Variants in CDH18 observed in about 807,000 individuals in gnomAD.
The protein encoded by CDH18 is cadherin-18.
In CDH18, 31 loss-of-function variants were observed where a neutral mutation model predicts 67.9. That is an observed-to-expected ratio of 0.46 (90% CI 0.34 to 0.62). The LOEUF (loss-of-function observed/expected upper bound fraction) is 0.62. Ranked by LOEUF, CDH18 falls within the 20% of genes least tolerant of loss-of-function variation. The pLI is 0.01. For missense variants in CDH18, 890 were observed against 975.5 expected, an observed-to-expected ratio of 0.91 and a Z score of 1.17; for synonymous variants, 362 against 347.2, an observed-to-expected ratio of 1.04 and a Z score of -0.48.
chr5:20,510,473 C>A (rs1318474218), intron 1 of CDH18, among the ~76,000 whole-genome samples: 1 of 151,986 alleles, frequency 6.6e-6, no homozygotes, highest in African/African-American at 2.4e-5. Flanking sequence ...GAATAGTATT[C>A]CACTGTGTAT....
chr5:19,977,735 C>T (rs561454072), intron 2 of CDH18, among the ~76,000 whole-genome samples: 194 of 151,992 alleles, frequency 1.3e-3, no homozygotes, highest in Admixed American at 2.2e-3. Flanking sequence ...TTTCTATGAA[C>T]ATTTTCATAG....
chr5:19,627,721 T>C (rs1751769651), intron 5 of CDH18, among the ~76,000 whole-genome samples: 1 of 152,184 alleles, frequency 6.6e-6, no homozygotes, highest in Non-Finnish European at 1.5e-5. Flanking sequence ...TGCCACTGAC[T>C]GCTAGCAATA....
At chr5:20,546,242 C>A (rs115318882) in intron 1 of CDH18, among the ~76,000 whole-genome samples, 1,857 of 152,240 alleles carry the variant, frequency 0.012, 29 homozygotes, top group African/African-American at 0.042. Context: ...AAGTTCCAAA[C>A]TTTTCCTCAA....
At chr5:19,673,754 T>C (rs1295968184) in intron 5 of CDH18, among the ~76,000 whole-genome samples, 1 of 152,068 alleles carries the variant, frequency 6.6e-6, no homozygotes, top group Admixed American at 6.6e-5. Context: ...ACATACTCTT[T>C]ACAATTATAA....
At chr5:19,869,428 C>T (rs1011466595) in intron 2 of CDH18, among the ~76,000 whole-genome samples, 4 of 151,880 alleles carry the variant, frequency 2.6e-5, no homozygotes, top group Non-Finnish European at 4.4e-5. Flanking sequence ...TAATTTCACC[C>T]GATAAAATGA....
intron 3 of CDH18, among the ~76,000 whole-genome samples, chr5:19,768,894 T>A (rs1223355865): frequency 6.6e-6 from 1 of 150,868 alleles, no homozygotes; most frequent in South Asian, 2.1e-4. Context: ...AACTAACATA[T>A]CTGAAAAAGA....
chr5:19,605,289 A>C (rs528478875), intron 6 of CDH18, among the ~76,000 whole-genome samples: 41 of 152,016 alleles, frequency 2.7e-4, no homozygotes, highest in African/African-American at 9.6e-4. Context: ...GTTAGAAAGA[A>C]TATGATCTAC....
chr5:19,575,741 T>G (rs1357714721), intron 7 of CDH18, among the ~76,000 whole-genome samples: 1 of 152,140 alleles, frequency 6.6e-6, no homozygotes, highest in South Asian at 2.1e-4. Flanking sequence ...ACAACAGAAA[T>G]TACCTTGAAG....
chr5:19,785,404 G>A (rs1012103693), intron 3 of CDH18, among the ~76,000 whole-genome samples: 12 of 151,228 alleles, frequency 7.9e-5, no homozygotes, highest in African/African-American at 2.7e-4. Context: ...TGCAATCCCA[G>A]CACTTTGGGA....
intron 2 of CDH18, among the ~76,000 whole-genome samples, chr5:20,045,665 G>C (rs1045054093): frequency 2.0e-5 from 3 of 151,984 alleles, no homozygotes; most frequent in African/African-American, 7.2e-5. Flanking sequence ...GAGTGGCAGA[G>C]TTAACTAGCT....
intron 1 of CDH18, chr5:20,305,590 G>C: frequency 1.7e-6 from 1 of 572,322 alleles, no homozygotes; most frequent in African/African-American, 1.9e-5. Context: ...CCTGCGCTGC[G>C]GGCCTCAGAG....
chr5:20,158,362 C>A (rs1239458527), intron 2 of CDH18, among the ~76,000 whole-genome samples: 1 of 152,010 alleles, frequency 6.6e-6, no homozygotes, highest in African/African-American at 2.4e-5. Context: ...GGAAGTAATT[C>A]CATAAAGTCT....
intron 7 of CDH18, among the ~76,000 whole-genome samples, chr5:19,577,877 G>A (rs1006411289): frequency 5.3e-5 from 8 of 152,162 alleles, no homozygotes; most frequent in African/African-American, 1.9e-4. Flanking sequence ...CGATTATTTA[G>A]GTAGGTGTTA....
intron 6 of CDH18, among the ~76,000 whole-genome samples, chr5:19,597,694 G>T (rs772396506): frequency 9.2e-5 from 14 of 152,074 alleles, no homozygotes; most frequent in Non-Finnish European, 1.6e-4. Flanking sequence ...GTTCTCATTT[G>T]ATAAAGTAAC....
At chr5:19,871,189 T>TA (rs1284718198) in intron 2 of CDH18, among the ~76,000 whole-genome samples, 3 of 152,086 alleles carry the variant, frequency 2.0e-5, no homozygotes, top group South Asian at 2.1e-4. Context: ...TAAGCTTTTT[T>TA]AAAAAAATTC....
chr5:20,342,044 A>T (rs888649690), intron 1 of CDH18, among the ~76,000 whole-genome samples: 2 of 152,092 alleles, frequency 1.3e-5, no homozygotes, highest in African/African-American at 4.8e-5. Context: ...ATCTGCTAAG[A>T]TTGCCCTGAG....
At chr5:20,081,627 T>G (rs575518218) in intron 2 of CDH18, among the ~76,000 whole-genome samples, 1 of 152,222 alleles carries the variant, frequency 6.6e-6, no homozygotes, top group South Asian at 2.1e-4. Context: ...ACAAAAAGAA[T>G]ATTATGTCTT....
intron 2 of CDH18, among the ~76,000 whole-genome samples, chr5:20,217,290 A>G (rs988635017): frequency 6.6e-6 from 1 of 151,884 alleles, no homozygotes; most frequent in Non-Finnish European, 1.5e-5. Context: ...TAAAAGATGA[A>G]CCCATCAAAA....
intron 2 of CDH18, among the ~76,000 whole-genome samples, chr5:19,961,754 T>C (rs1469019495): frequency 1.3e-5 from 2 of 152,122 alleles, no homozygotes; most frequent in Non-Finnish European, 2.9e-5. Flanking sequence ...TTTCGATACA[T>C]ACCATATCCA....
Sources: allele counts gnomAD v4.1 joint callset (sites outside exome capture counted in the v4.1 genomes callset), GRCh38; gene constraint gnomAD v4.1.1; transcripts MANE v1.5; gene names NCBI Gene and HGNC (gene_info 2026-07-23, HGNC 2026-07-21).